Variants in PTPRD observed in about 807,000 individuals in gnomAD.
The protein encoded by PTPRD is receptor-type tyrosine-protein phosphatase delta.
PTPRD carries 34 observed loss-of-function variants against 214.5 expected under a neutral mutation model. The ratio of observed to expected loss-of-function variants is 0.16; its 90% CI spans 0.12 to 0.21. The LOEUF (loss-of-function observed/expected upper bound fraction) is 0.21. PTPRD is among the 10% of genes least tolerant of loss of function. The probability of loss-of-function intolerance (pLI) is 1.00; values close to 1 mark genes in which losing one functional copy is unlikely to be tolerated. For synonymous variants in PTPRD, 1,128 were observed against 845.7 expected (o/e 1.33, Z -5.79); for missense variants, 2,545 against 2,398.7 (o/e 1.06, Z -1.27).
At chr9:8,862,510 C>T (rs2098125172) in intron 11 of PTPRD, among the ~76,000 whole-genome samples, 1 of 152,170 alleles carries the variant, frequency 6.6e-6, no homozygotes, top group African/African-American at 2.4e-5. Context: ...TGTCATTACT[C>T]CCATTCTGCA....
intron 11 of PTPRD, among the ~76,000 whole-genome samples, chr9:8,818,545 T>C (rs1403502494): frequency 1.3e-5 from 2 of 152,172 alleles, no homozygotes; most frequent in African/African-American, 2.4e-5. Context: ...TTATTCTCAT[T>C]TTACAGATTA....
chr9:9,726,163 ATCT>A (rs1189048236), intron 7 of PTPRD, among the ~76,000 whole-genome samples: 1 of 152,122 alleles, frequency 6.6e-6, no homozygotes, highest in African/African-American at 2.4e-5. Context: ...CCCATAATTA[ATCT>A]TCTATTAGGA....
At chr9:10,569,137 A>G (rs1287844748) in intron 2 of PTPRD, among the ~76,000 whole-genome samples, 2 of 152,194 alleles carry the variant, frequency 1.3e-5, no homozygotes, top group Admixed American at 1.3e-4. Context: ...TCTAAAAAGA[A>G]GACATTTATG....
At chr9:10,528,508 A>T (rs2055055845) in intron 2 of PTPRD, among the ~76,000 whole-genome samples, 1 of 152,168 alleles carries the variant, frequency 6.6e-6, no homozygotes, top group Admixed American at 6.6e-5. Flanking sequence ...AAGAATGTCA[A>T]ATTTAGGAAT....
At chr9:8,447,729 ACCCTTG>A (rs965980461) in intron 34 of PTPRD, among the ~76,000 whole-genome samples, 7 of 152,016 alleles carry the variant, frequency 4.6e-5, no homozygotes, top group African/African-American at 1.7e-4. Context: ...TTTTGGGGGT[ACCCTTG>A]CCTTTCTGCT....
intron 5 of PTPRD, among the ~76,000 whole-genome samples, chr9:9,862,251 C>T (rs992690676): frequency 1.3e-5 from 2 of 150,838 alleles, no homozygotes; most frequent in African/African-American, 4.9e-5. Context: ...AAAGCAAAGA[C>T]ACATTTAGAC....
At chr9:9,489,888 T>A (rs2095826786) in intron 8 of PTPRD, among the ~76,000 whole-genome samples, 1 of 152,016 alleles carries the variant, frequency 6.6e-6, no homozygotes, top group South Asian at 2.1e-4. Context: ...AAGACATGAA[T>A]ATAAACATCA....
chr9:9,343,484 G>A (rs2047630349), intron 9 of PTPRD, among the ~76,000 whole-genome samples: 1 of 152,140 alleles, frequency 6.6e-6, no homozygotes, highest in Non-Finnish European at 1.5e-5. Context: ...GTGATGATGA[G>A]CTTTTTTTCA....
intron 11 of PTPRD, among the ~76,000 whole-genome samples, chr9:8,763,306 G>A (rs914352811): frequency 3.9e-5 from 6 of 152,034 alleles, no homozygotes; most frequent in African/African-American, 1.5e-4. Flanking sequence ...GAAACCAGGA[G>A]TTCGAGACCA....
chr9:10,121,677 A>G (rs2098776591), intron 3 of PTPRD, among the ~76,000 whole-genome samples: 1 of 152,198 alleles, frequency 6.6e-6, no homozygotes, highest in Non-Finnish European at 1.5e-5. Flanking sequence ...TCTATCTCAT[A>G]CAATAGTTCA....
intron 5 of PTPRD, among the ~76,000 whole-genome samples, chr9:9,890,992 A>G (rs1340828630): frequency 1.3e-5 from 2 of 152,148 alleles, no homozygotes; most frequent in Non-Finnish European, 2.9e-5. Flanking sequence ...AAAGAAAAAC[A>G]TGCAAAATGG....
At chr9:9,919,261 A>G (rs935849471) in intron 5 of PTPRD, among the ~76,000 whole-genome samples, 1 of 151,892 alleles carries the variant, frequency 6.6e-6, no homozygotes, top group Non-Finnish European at 1.5e-5. Context: ...TCAGGACCCT[A>G]TTACCTTGAC....
chr9:9,416,316 G>A (rs932633390), intron 8 of PTPRD, among the ~76,000 whole-genome samples: 1 of 152,148 alleles, frequency 6.6e-6, no homozygotes, highest in African/African-American at 2.4e-5. Flanking sequence ...TTATGAGTGG[G>A]TAAGTCTTGA....
chr9:9,997,639 G>A (rs905192060), intron 4 of PTPRD, among the ~76,000 whole-genome samples: 1 of 152,156 alleles, frequency 6.6e-6, no homozygotes, highest in Admixed American at 6.5e-5. Flanking sequence ...TAGGCAGATA[G>A]AGAGAGTAAA....
At chr9:8,957,767 T>C (rs761149157) in intron 11 of PTPRD, among the ~76,000 whole-genome samples, 1 of 151,888 alleles carries the variant, frequency 6.6e-6, no homozygotes, top group Non-Finnish European at 1.5e-5. Flanking sequence ...AGAGCTTACA[T>C]GATCTCATAT....
chr9:9,832,950 A>T (rs556022802), intron 5 of PTPRD, among the ~76,000 whole-genome samples: 2 of 151,782 alleles, frequency 1.3e-5, no homozygotes, highest in African/African-American at 2.4e-5. Flanking sequence ...TAGAAATTTT[A>T]AGTAATATTA....
intron 8 of PTPRD, among the ~76,000 whole-genome samples, chr9:9,482,323 G>C (rs769860322): frequency 6.6e-5 from 10 of 152,184 alleles, no homozygotes; most frequent in Non-Finnish European, 1.5e-4. Flanking sequence ...GAATTCTAGA[G>C]TCATGGTATT....
At chr9:9,002,419 A>G (rs1259797423) in intron 11 of PTPRD, among the ~76,000 whole-genome samples, 2 of 152,000 alleles carry the variant, frequency 1.3e-5, no homozygotes, top group Non-Finnish European at 2.9e-5. Context: ...AATTCAACAG[A>G]CGGATACACC....
At chr9:8,624,335 T>C (rs896639033) in intron 14 of PTPRD, among the ~76,000 whole-genome samples, 1 of 151,948 alleles carries the variant, frequency 6.6e-6, no homozygotes, top group Non-Finnish European at 1.5e-5. Context: ...TATCATCCTA[T>C]TTCCTTGTGA....
Sources: allele counts gnomAD v4.1 joint callset (sites outside exome capture counted in the v4.1 genomes callset), GRCh38; gene constraint gnomAD v4.1.1; transcripts MANE v1.5; gene names NCBI Gene and HGNC (gene_info 2026-07-23, HGNC 2026-07-21).